The following SEMA4D variants were observed in gnomAD, a reference collection of about 807,000 sequenced individuals.
The protein encoded by SEMA4D is semaphorin 4D.
A neutral mutation model predicts 74.8 loss-of-function variants in SEMA4D; 22 were observed. The ratio of observed to expected loss-of-function variants is 0.29; its 90% CI spans 0.21 to 0.42. The LOEUF is 0.42. Among genes scored for constraint, SEMA4D ranks in the 10% least tolerant of loss-of-function variants. The probability of loss-of-function intolerance (pLI) is 1.00; values close to 1 mark genes in which losing one functional copy is unlikely to be tolerated. For missense variants in SEMA4D, 937 were observed against 1,118.4 expected, an observed-to-expected ratio of 0.84 and a Z score of 2.31; for synonymous variants, 445 against 463.7, an observed-to-expected ratio of 0.96 and a Z score of 0.52.
chr9:89,380,989 G>T, intron 15 of SEMA4D, 66 bp downstream of exon 15: 1 of 1,571,298 alleles, frequency 6.4e-7, no homozygotes, highest in Non-Finnish European at 8.8e-7. Context: ...CAGAACTGAA[G>T]CACCGTGAAA....
intron 16 of SEMA4D, chr9:89,365,555 A>G (rs942567740): frequency 2.6e-5 from 4 of 152,260 alleles, no homozygotes; most frequent in Admixed American, 2.0e-4. Context: ...TTTGCCCTAG[A>G]TGTCCATCAA....
intron 13 of SEMA4D, among the ~76,000 whole-genome samples, chr9:89,383,401 C>T (rs1837639465): frequency 2.6e-5 from 4 of 152,176 alleles, no homozygotes; most frequent in Admixed American, 2.6e-4. Flanking sequence ...CAGAAAGCGC[C>T]CTCTTTGGTG....
chr9:89,400,985 C>T (rs945597962), intron 4 of SEMA4D, among the ~76,000 whole-genome samples: 5 of 152,152 alleles, frequency 3.3e-5, no homozygotes. Context: ...AACAGACACG[C>T]GAAGAGTAAG....
chr9:89,404,313 T>C (rs1052575268), intron 3 of SEMA4D, among the ~76,000 whole-genome samples: 5 of 152,130 alleles, frequency 3.3e-5, no homozygotes, highest in African/African-American at 9.7e-5. Context: ...GCCGCGAACA[T>C]TACTAGGTAC....
chr9:89,478,780 C>G (rs1217075036), intron 1 of SEMA4D, among the ~76,000 whole-genome samples: 1 of 150,064 alleles, frequency 6.7e-6, no homozygotes, highest in Non-Finnish European at 1.5e-5. Flanking sequence ...CACCCCACCC[C>G]ACCCCAAGGC....
chr9:89,461,678 C>A (rs1449146682), intron 1 of SEMA4D, among the ~76,000 whole-genome samples: 1 of 143,132 alleles, frequency 7.0e-6, no homozygotes, highest in Non-Finnish European at 1.5e-5. Context: ...AATCCTAGGG[C>A]CAATGTGTAT....
chr9:89,451,858 G>A (rs1854590850), intron 2 of SEMA4D, among the ~76,000 whole-genome samples: 1 of 152,168 alleles, frequency 6.6e-6, no homozygotes, highest in Admixed American at 6.5e-5. Context: ...ATGCACGCAG[G>A]TCATGAACAA....
At chr9:89,488,274 C>T (rs112221467) in intron 1 of SEMA4D, among the ~76,000 whole-genome samples, 88 of 148,906 alleles carry the variant, frequency 5.9e-4, no homozygotes, top group Admixed American at 1.6e-3. Context: ...TGAGAACAAT[C>T]GGAAGTCTAC....
chr9:89,487,553 G>A (rs1260928668), intron 1 of SEMA4D, among the ~76,000 whole-genome samples: 1 of 152,030 alleles, frequency 6.6e-6, no homozygotes, highest in South Asian at 2.1e-4. Context: ...GAAGAAAAAG[G>A]AGTAAAAGGC....
chr9:89,453,040 G>C (rs1855000235), intron 2 of SEMA4D, among the ~76,000 whole-genome samples: 1 of 152,154 alleles, frequency 6.6e-6, no homozygotes, highest in Non-Finnish European at 1.5e-5. Flanking sequence ...TCCCCTTTCA[G>C]TGTCATTTAA....
intron 2 of SEMA4D, among the ~76,000 whole-genome samples, chr9:89,445,611 GGAGA>G (rs1253428233): frequency 3.3e-5 from 5 of 152,212 alleles, no homozygotes; most frequent in Admixed American, 6.5e-5. Context: ...ATGTGCACAG[GGAGA>G]GAGAGAGATT....
At chr9:89,496,490 TCTC>T (rs1247298607) in intron 1 of SEMA4D, among the ~76,000 whole-genome samples, 1 of 152,188 alleles carries the variant, frequency 6.6e-6, no homozygotes, top group East Asian at 1.9e-4. Context: ...CGTACACTCT[TCTC>T]AGTCTGAAGG....
chr9:89,393,456 C>T, intron 7 of SEMA4D, 106 bp downstream of exon 7: 1 of 938,590 alleles, frequency 1.1e-6, no homozygotes. Context: ...CCTATTTAAA[C>T]AAAGCCAAGG....
At chr9:89,362,565 A>C (rs1832861678) in intron 18 of SEMA4D, 28 of 1,489,932 alleles carry the variant, frequency 1.9e-5, no homozygotes, top group Middle Eastern at 3.7e-4. Flanking sequence ...CCCTCCTTGG[A>C]GTCTAAAGAT....
intron 2 of SEMA4D, chr9:89,418,153 C>T (rs745505282): frequency 1.7e-5 from 16 of 952,588 alleles, no homozygotes; most frequent in Non-Finnish European, 1.9e-5. Flanking sequence ...CTATTTAAGC[C>T]CTTAAACTGT....
chr9:89,406,552 G>A (rs961371700), intron 2 of SEMA4D, among the ~76,000 whole-genome samples: 22 of 152,106 alleles, frequency 1.4e-4, no homozygotes, highest in Admixed American at 3.3e-4. Flanking sequence ...GCCCCACAGC[G>A]TAACCCGCCA....
chr9:89,484,496 G>T lies in SEMA4D; in HGVS notation c.-310+13423C>A, dbSNP rs1409998637. ...GGCATGGTATGTGTATGTACCACGTGGTGGGTTTGTGTAGTGTGTGTGGTG... is the reference window on the plus strand; with the variant it reads ...GGCATGGTATGTGTATGTACCACGTTGTGGGTTTGTGTAGTGTGTGTGGTG... On this transcript the variant is annotated intron_variant, in intron 1 of 15. Transcript: ENST00000422704. This position sits in a 1 kb window ranked among gnomAD's most constrained non-coding sequence, Gnocchi z 4.1. Among the ~76,000 whole-genome samples the T allele has an allele frequency of 6.6e-6, 1 of 151,242 alleles. No individual in the cohort carries two copies. The highest frequency in any genetic ancestry group is 1.5e-5 in the Non-Finnish European group (1 of 67,738).
intron 16 of SEMA4D, among the ~76,000 whole-genome samples, chr9:89,371,785 G>GT (rs1564500714): frequency 1.5e-5 from 1 of 66,732 alleles, no homozygotes; most frequent in African/African-American, 5.8e-5. Flanking sequence ...TGTGTGTCGG[G>GT]GTGTGTTTGG....
intron 3 of SEMA4D, among the ~76,000 whole-genome samples, chr9:89,404,222 G>C (rs963011938): frequency 1.3e-5 from 2 of 152,228 alleles, no homozygotes; most frequent in African/African-American, 4.8e-5. Context: ...CTGCACGTAG[G>C]ACGAGCATTC....
Sources: gnomAD v4.1 joint callset for allele counts (sites outside exome capture counted in the v4.1 genomes callset) on GRCh38, gnomAD v4.1.1 for gene constraint, Gnocchi (gnomAD v3.1) non-coding constraint, MANE v1.5 for transcripts, NCBI Gene and HGNC (gene_info 2026-07-23, HGNC 2026-07-21) for gene names.